PLPPR5: variants seen among roughly 807,000 people sequenced by gnomAD.
PLPPR5 encodes phospholipid phosphatase-related protein type 5.
Under a neutral mutation model 33.9 loss-of-function variants are expected in PLPPR5, and 16 were observed. The observed-to-expected ratio is 0.47, with a 90% CI of 0.32 to 0.72. The LOEUF (loss-of-function observed/expected upper bound fraction) is 0.72. PLPPR5 is among the 30% of genes least tolerant of loss of function. PLPPR5 has a pLI of 0.03. For synonymous variants in PLPPR5, 163 were observed against 150.3 expected (o/e 1.08, Z -0.62); for missense variants, 301 against 406.7 (o/e 0.74, Z 2.23).
Position 99,004,745 on chromosome 1 carries a change from A to AGGCAGCCACCGGGGGCGCGGC in PLPPR5, c.-95_-75dup. The AGGCAGCCACCGGGGGCGCGGC allele has an allele frequency of 9.6e-7, 1 of 1,045,332 alleles. No individual in the cohort carries two copies. Among genetic ancestry groups the AGGCAGCCACCGGGGGCGCGGC allele is most frequent in the Non-Finnish European group, 1.2e-6 (1 of 812,702 alleles). The allele number at this position is 1,045,332 out of a possible 1,614,324, so 64.8% of individuals were successfully genotyped here. ...GGTGGGCCCCCTCCCCGGTCCGCCGAGGCAGCCACCGGGGGCGCGGCGGCG... is the reference window on the plus strand; with the variant it reads ...GGTGGGCCCCCTCCCCGGTCCGCCGAGGCAGCCACCGGGGGCGCGGCGGCAGCCACCGGGGGCGCGGCGGCG... On this transcript the variant is annotated 5_prime_UTR_variant, in exon 1 of 6. Coordinates refer to ENST00000263177, the MANE Select transcript of PLPPR5 (RefSeq NM_001037317.2).
At chr1:98,967,173 T>C (rs748226621) in intron 1 of PLPPR5, among the ~76,000 whole-genome samples, 1 of 152,176 alleles carries the variant, frequency 6.6e-6, no homozygotes, top group Non-Finnish European at 1.5e-5. Context: ...GATGGGACTA[T>C]AGAAAGAGAG....
intron 3 of PLPPR5, among the ~76,000 whole-genome samples, chr1:98,947,922 A>C (rs1650615903): frequency 6.6e-6 from 1 of 152,246 alleles, no homozygotes; most frequent in Non-Finnish European, 1.5e-5. Flanking sequence ...CATTTAGAGC[A>C]CAGGGACCTT....
At chr1:98,916,846 G>C (rs79775189) in intron 4 of PLPPR5, among the ~76,000 whole-genome samples, 2 of 152,094 alleles carry the variant, frequency 1.3e-5, no homozygotes, top group African/African-American at 4.8e-5. Context: ...TAACATTTAC[G>C]ATGTGGAACA....
chr1:98,917,403 C>T (rs575229333), intron 4 of PLPPR5, among the ~76,000 whole-genome samples: 1 of 152,294 alleles, frequency 6.6e-6, no homozygotes, highest in South Asian at 2.1e-4. Context: ...CTAATCTTGG[C>T]CCCTCTATTT....
chr1:98,891,520 T>C lies in PLPPR5; in HGVS notation c.*1552A>G, dbSNP rs1385213620. On this transcript the variant is annotated 3_prime_UTR_variant, in exon 6 of 6. Transcript: ENST00000263177. Reference sequence around the variant, plus strand: ...GCTCACCTTCCTTATATTATGGCGATTGTAATCTGGAATTCTACATGCTAA... The same window carrying C: ...GCTCACCTTCCTTATATTATGGCGACTGTAATCTGGAATTCTACATGCTAA... 6.6e-6 allele frequency: 1 copy of C among 152,010 alleles called. No individual in the cohort carries two copies. The highest frequency in any genetic ancestry group is 1.5e-5 in the Non-Finnish European group (1 of 67,984). 9.4% of individuals were successfully genotyped at this position (152,010 alleles called of 1,614,324 possible). A position where few individuals can be genotyped will look rare whatever the true frequency, so the allele number is the denominator to read the frequency against.
At chr1:98,927,518 C>T (rs1275345113) in intron 3 of PLPPR5, among the ~76,000 whole-genome samples, 2 of 152,184 alleles carry the variant, frequency 1.3e-5, no homozygotes, top group Admixed American at 1.3e-4. Flanking sequence ...TCCTTATAGC[C>T]CCAGGTGGGC....
intron 1 of PLPPR5, among the ~76,000 whole-genome samples, chr1:99,001,002 A>C (rs537663998): frequency 6.6e-6 from 1 of 152,284 alleles, no homozygotes; most frequent in South Asian, 2.1e-4. Context: ...ATGGAGTATC[A>C]ACTATGGGCC....
intron 3 of PLPPR5, among the ~76,000 whole-genome samples, chr1:98,944,502 T>C (rs1031908964): frequency 1.3e-5 from 2 of 152,224 alleles, no homozygotes; most frequent in African/African-American, 4.8e-5. Context: ...GAGGGCACAA[T>C]GACTAGACAC....
chr1:98,966,536 T>C (rs1450580412), intron 1 of PLPPR5, among the ~76,000 whole-genome samples: 1 of 152,126 alleles, frequency 6.6e-6, no homozygotes, highest in African/African-American at 2.4e-5. Context: ...AAGTAACCTA[T>C]ATATGTTACT....
At chr1:98,924,961 A>C (rs1308015383) in intron 3 of PLPPR5, among the ~76,000 whole-genome samples, 1 of 152,256 alleles carries the variant, frequency 6.6e-6, no homozygotes, top group South Asian at 2.1e-4. Flanking sequence ...TTTATAATGC[A>C]CAAATTTTTC....
intron 1 of PLPPR5, among the ~76,000 whole-genome samples, chr1:98,995,298 T>A (rs896321347): frequency 6.6e-6 from 1 of 151,948 alleles, no homozygotes; most frequent in Non-Finnish European, 1.5e-5. Context: ...CAATAGACAC[T>A]GGGGCCTACT....
intron 1 of PLPPR5, among the ~76,000 whole-genome samples, chr1:99,002,641 A>G (rs936039222): frequency 2.0e-5 from 3 of 152,168 alleles, no homozygotes; most frequent in African/African-American, 7.2e-5. Flanking sequence ...TCCGTCCTAC[A>G]TTCCTCCTAA....
intron 1 of PLPPR5, among the ~76,000 whole-genome samples, chr1:98,999,725 A>G (rs1391979418): frequency 6.6e-6 from 1 of 152,176 alleles, no homozygotes; most frequent in African/African-American, 2.4e-5. Flanking sequence ...AGCTCTAGGT[A>G]TGAGATGACT....
At position 98,892,956 on chromosome 1, in the gene PLPPR5, A is replaced by C; in HGVS notation, c.*116T>G. 9.9e-7 allele frequency: 1 copy of C among 1,014,232 alleles called. No individual in the cohort carries two copies. The highest frequency in any genetic ancestry group is 1.5e-6 in the Non-Finnish European group (1 of 678,236). The allele number at this position is 1,014,232 out of a possible 1,614,324, so 62.8% of individuals were successfully genotyped here. Reference sequence around the variant, plus strand: ...AGGTTGACATTGATTTTAAAATTATAAAAATTATTAAACAACTTTATAAAC... The same window carrying C: ...AGGTTGACATTGATTTTAAAATTATCAAAATTATTAAACAACTTTATAAAC... On this transcript the variant is annotated 3_prime_UTR_variant, in exon 6 of 6. Coordinates refer to ENST00000263177, the MANE Select transcript of PLPPR5 (RefSeq NM_001037317.2).
upstream of PLPPR5, among the ~76,000 whole-genome samples, chr1:99,005,450 C>T (rs77243204): frequency 3.8e-3 from 584 of 152,284 alleles, 5 homozygotes; most frequent in African/African-American, 0.014. Context: ...TTTGCCTCCT[C>T]TGCAGCTTCC....
intron 5 of PLPPR5, among the ~76,000 whole-genome samples, chr1:98,903,942 C>T (rs553248223): frequency 6.6e-6 from 1 of 152,168 alleles, no homozygotes; most frequent in Non-Finnish European, 1.5e-5. Context: ...ATAAAATCTA[C>T]AAAAGAGTCA....
chr1:98,963,033 C>A (rs748549042), intron 1 of PLPPR5, among the ~76,000 whole-genome samples: 4 of 152,130 alleles, frequency 2.6e-5, no homozygotes, highest in Non-Finnish European at 4.4e-5. Context: ...TACTGCTGAG[C>A]CTAAACCTAT....
At chr1:98,931,933 T>C (rs12749650) in intron 3 of PLPPR5, among the ~76,000 whole-genome samples, 37,486 of 152,110 alleles carry the variant, frequency 0.25, 5,194 homozygotes, top group Non-Finnish European at 0.31. Context: ...GCTGCAGTTA[T>C]GAACAGACTG....
At chr1:98,942,131 G>A (rs931059051) in intron 3 of PLPPR5, among the ~76,000 whole-genome samples, 9 of 147,878 alleles carry the variant, frequency 6.1e-5, no homozygotes, top group African/African-American at 2.2e-4. Flanking sequence ...GAGTGCAGTG[G>A]CGCAATCTCG....
Sources: allele counts gnomAD v4.1 joint callset (sites outside exome capture counted in the v4.1 genomes callset), GRCh38; gene constraint gnomAD v4.1.1; transcripts MANE v1.5; gene names NCBI Gene and HGNC (gene_info 2026-07-23, HGNC 2026-07-21).